The following SHANK2 variants were observed in gnomAD, a reference collection of about 807,000 sequenced individuals.
SHANK2 encodes SH3 and multiple ankyrin repeat domains protein 2.
SHANK2 carries 43 observed loss-of-function variants against 133.7 expected under a neutral mutation model. The observed-to-expected ratio is 0.32, with a 90% CI of 0.25 to 0.41. The LOEUF (loss-of-function observed/expected upper bound fraction) is 0.41. SHANK2 is among the 10% of genes least tolerant of loss of function. SHANK2 has a pLI of 1.00. For missense variants in SHANK2, 1,994 were observed against 2,235.8 expected, an observed-to-expected ratio of 0.89 and a Z score of 2.18; for synonymous variants, 1,017 against 952.8, an observed-to-expected ratio of 1.07 and a Z score of -1.24.
At chr11:70,818,006 A>G (rs1206628788) in intron 12 of SHANK2, among the ~76,000 whole-genome samples, 2 of 152,210 alleles carry the variant, frequency 1.3e-5, no homozygotes, top group Non-Finnish European at 2.9e-5. Flanking sequence ...AAGTGCTAGG[A>G]TTACAGGTGT....
chr11:71,162,965 C>A (rs59963161), intron 2 of SHANK2, among the ~76,000 whole-genome samples: 9,396 of 148,606 alleles, frequency 0.063, 634 homozygotes, highest in African/African-American at 0.17. Flanking sequence ...CCCAGCCACT[C>A]GGGAGGCTGA....
chr11:71,181,702 C>T (rs574776533), intron 2 of SHANK2, among the ~76,000 whole-genome samples: 2 of 152,252 alleles, frequency 1.3e-5, no homozygotes, highest in African/African-American at 2.4e-5. Flanking sequence ...AACCGTGACA[C>T]CGCATGCATA....
chr11:70,483,497 G>A (rs1433433665), intron 25 of SHANK2, among the ~76,000 whole-genome samples: 1 of 136,676 alleles, frequency 7.3e-6, no homozygotes, highest in Non-Finnish European at 1.5e-5. Context: ...CCAGGAGTTC[G>A]AGACCAGCCT....
intron 6 of SHANK2, among the ~76,000 whole-genome samples, chr11:71,104,721 G>A (rs1389093805): frequency 6.6e-6 from 1 of 152,054 alleles, no homozygotes; most frequent in African/African-American, 2.4e-5. Context: ...CCATCACCCT[G>A]GGTCCCCACT....
intron 10 of SHANK2, among the ~76,000 whole-genome samples, chr11:70,929,856 G>A (rs921991320): frequency 8.5e-5 from 13 of 152,176 alleles, no homozygotes; most frequent in African/African-American, 3.1e-4. Context: ...CAGATCCTGG[G>A]TGACTACAGA....
chr11:70,936,985 C>T (rs1555083533), intron 10 of SHANK2, among the ~76,000 whole-genome samples: 1 of 152,204 alleles, frequency 6.6e-6, no homozygotes, highest in African/African-American at 2.4e-5. Flanking sequence ...TCTTGATTGG[C>T]CTGACCTTTT....
intron 17 of SHANK2, among the ~76,000 whole-genome samples, chr11:70,536,281 C>T (rs2059543053): frequency 6.6e-6 from 1 of 152,214 alleles, no homozygotes; most frequent in East Asian, 1.9e-4. Context: ...GTGGCGGGCT[C>T]ATCACGCTTG....
intron 2 of SHANK2, among the ~76,000 whole-genome samples, chr11:71,167,717 G>T (rs1555111300): frequency 7.3e-6 from 1 of 137,074 alleles, no homozygotes; most frequent in African/African-American, 2.8e-5. Context: ...CGGGCAGAGG[G>T]GCTCCTCACT....
At chr11:71,098,035 T>A (rs183885677) in intron 6 of SHANK2, among the ~76,000 whole-genome samples, 69 of 151,398 alleles carry the variant, frequency 4.6e-4, no homozygotes, top group African/African-American at 1.5e-3. Context: ...TGCATGCCTG[T>A]GTGTGCATGT....
At chr11:70,703,518 G>A (rs886930349) in intron 14 of SHANK2, among the ~76,000 whole-genome samples, 1 of 152,252 alleles carries the variant, frequency 6.6e-6, no homozygotes, top group African/African-American at 2.4e-5. Flanking sequence ...GCATGTCCAG[G>A]CTTGGCCCCC....
intron 2 of SHANK2, among the ~76,000 whole-genome samples, chr11:71,197,468 C>G (rs1555116374): frequency 1.3e-5 from 2 of 152,212 alleles, no homozygotes; most frequent in Non-Finnish European, 2.9e-5. Flanking sequence ...GTTAGGCCTC[C>G]CTGGTGCCAG....
At chr11:71,183,298 C>T (rs1219561746) in intron 2 of SHANK2, among the ~76,000 whole-genome samples, 1 of 152,040 alleles carries the variant, frequency 6.6e-6, no homozygotes, top group Non-Finnish European at 1.5e-5. Flanking sequence ...CTGGATGGAA[C>T]AGGCTGCCCG....
In SHANK2 at chr11:70,882,858, A is replaced by G. The variant is rs1323563973; in HGVS notation, c.1174+13643T>C. Among the ~76,000 whole-genome samples, 4 of 152,048 alleles carry G rather than the reference A, an allele frequency of 2.6e-5. No homozygotes were observed. Among genetic ancestry groups the G allele is most frequent in the African/African-American group, 7.2e-5 (3 of 41,398 alleles). On this transcript the variant is annotated intron_variant, in intron 11 of 25. Coordinates refer to ENST00000601538, the MANE Select transcript of SHANK2 (RefSeq NM_012309.5). This position sits in a 1 kb window ranked among gnomAD's most constrained non-coding sequence, Gnocchi z 4.2. ...GGCAGAACTGTGTGGATTTTGCAGG[A>G]GTGAGGGGAGGTCCTGAGGAAACAG...
At chr11:70,561,379 C>T (rs2059906937) in intron 17 of SHANK2, among the ~76,000 whole-genome samples, 1 of 152,108 alleles carries the variant, frequency 6.6e-6, no homozygotes, top group South Asian at 2.1e-4. Context: ...TCTCAAACTC[C>T]TGAGCTCAAG....
intron 17 of SHANK2, among the ~76,000 whole-genome samples, chr11:70,582,336 G>A (rs1221350225): frequency 6.6e-6 from 1 of 152,212 alleles, no homozygotes; most frequent in African/African-American, 2.4e-5. Flanking sequence ...CGTGGAGGCC[G>A]CCAGCCCCGG....
intron 14 of SHANK2, among the ~76,000 whole-genome samples, chr11:70,740,538 C>G (rs1477556892): frequency 6.6e-6 from 1 of 152,160 alleles, no homozygotes; most frequent in African/African-American, 2.4e-5. Context: ...GCGCCCTCAT[C>G]CCCTGGGGTG....
Position 70,784,343 on chromosome 11 carries a change from G to GTTTTTTTTTTT in SHANK2, c.1777+14089_1777+14099dup, listed in dbSNP as rs71049942. Reference sequence around the variant, plus strand: ...AGGGCGTGCGCCACCACACCGGCTAGTTTTTTTTTTTTTTTTTTTTTTTTT... The same window carrying GTTTTTTTTTTT: ...AGGGCGTGCGCCACCACACCGGCTAGTTTTTTTTTTTTTTTTTTTTTTTTTTTTTTTTTTTT... On this transcript the variant is annotated intron_variant, in intron 14 of 25. Coordinates refer to ENST00000601538, the MANE Select transcript of SHANK2 (RefSeq NM_012309.5). Among the ~76,000 whole-genome samples the GTTTTTTTTTTT allele has an allele frequency of 4.7e-4, 20 of 42,852 alleles. 2 individuals carry two copies. Among genetic ancestry groups the GTTTTTTTTTTT allele is most frequent in the African/African-American group, 1.4e-3 (18 of 12,590 alleles). 28.1% of individuals were successfully genotyped at this position (42,852 alleles called of 152,430 possible).
intron 2 of SHANK2, among the ~76,000 whole-genome samples, chr11:71,173,031 C>T (rs1236484647): frequency 6.6e-6 from 1 of 152,278 alleles, no homozygotes; most frequent in Non-Finnish European, 1.5e-5. Flanking sequence ...GCACTCAACC[C>T]TGTCACTGTG....
chr11:70,695,392 T>C (rs896252079), intron 15 of SHANK2, among the ~76,000 whole-genome samples: 6 of 152,164 alleles, frequency 3.9e-5, no homozygotes, highest in African/African-American at 1.4e-4. Context: ...TGTGTCACTG[T>C]GTGGATGCAC....
Sources: allele counts gnomAD v4.1 joint callset (sites outside exome capture counted in the v4.1 genomes callset), GRCh38; gene constraint gnomAD v4.1.1; non-coding constraint Gnocchi (gnomAD v3.1); transcripts MANE v1.5; gene names NCBI Gene and HGNC (gene_info 2026-07-23, HGNC 2026-07-21).